Variants in RNF180 observed in about 807,000 individuals in gnomAD.
RNF180 encodes the protein ring finger protein 180.
A neutral mutation model predicts 59.2 loss-of-function variants in RNF180; 38 were observed. That is an observed-to-expected ratio of 0.64 (90% CI 0.50 to 0.84). The LOEUF (loss-of-function observed/expected upper bound fraction) is 0.84, where lower values mean the gene tolerates loss of function less well. Ranked by LOEUF, RNF180 falls within the 40% of genes least tolerant of loss-of-function variation. The pLI is 0.00. For missense variants in RNF180, 705 were observed against 700.9 expected (o/e 1.01, Z -0.07); for synonymous variants, 262 against 240.3 (o/e 1.09, Z -0.84).
At chr5:64,191,130 A>G (rs1328132006) in intron 1 of RNF180, among the ~76,000 whole-genome samples, 1 of 152,328 alleles carries the variant, frequency 6.6e-6, no homozygotes, top group East Asian at 1.9e-4. Context: ...TTAAATTTGT[A>G]GACTATTTTT....
intron 5 of RNF180, among the ~76,000 whole-genome samples, chr5:64,309,976 T>A (rs934292487): frequency 1.3e-5 from 2 of 151,340 alleles, no homozygotes; most frequent in African/African-American, 4.8e-5. Context: ...TTTCTTATAA[T>A]TTACACTTAA....
chr5:64,276,133 C>T (rs1161491305), intron 5 of RNF180, among the ~76,000 whole-genome samples: 1 of 152,050 alleles, frequency 6.6e-6, no homozygotes, highest in African/African-American at 2.4e-5. Flanking sequence ...AGGAAAAAGA[C>T]CTTCCAAATC....
intron 1 of RNF180, among the ~76,000 whole-genome samples, chr5:64,199,582 G>A (rs1751630519): frequency 6.6e-6 from 1 of 152,154 alleles, no homozygotes; most frequent in Non-Finnish European, 1.5e-5. Flanking sequence ...CAGAAAGAAA[G>A]TTTTACTCAT....
intron 5 of RNF180, among the ~76,000 whole-genome samples, chr5:64,311,487 T>G (rs1417822934): frequency 6.6e-6 from 1 of 151,946 alleles, no homozygotes; most frequent in Non-Finnish European, 1.5e-5. Context: ...AACTAGAGTG[T>G]GGGTCCAAAA....
intron 5 of RNF180, among the ~76,000 whole-genome samples, chr5:64,298,929 G>A (rs1362192187): frequency 6.6e-6 from 1 of 151,954 alleles, no homozygotes; most frequent in Admixed American, 6.6e-5. Flanking sequence ...CTTAGTGCAG[G>A]AGCCTAGTCC....
chr5:64,174,181 C>G (rs971269875), intron 1 of RNF180, among the ~76,000 whole-genome samples: 1 of 152,140 alleles, frequency 6.6e-6, no homozygotes, highest in African/African-American at 2.4e-5. Flanking sequence ...TGTATATATA[C>G]CACATTTTCT....
chr5:64,350,539 T>C (rs1393214748), intron 7 of RNF180, among the ~76,000 whole-genome samples: 2 of 152,222 alleles, frequency 1.3e-5, no homozygotes, highest in Non-Finnish European at 2.9e-5. Flanking sequence ...TTTATGGCTT[T>C]AGGTCTAACA....
chr5:64,192,931 A>ATATATAT (rs1751253556), intron 1 of RNF180, among the ~76,000 whole-genome samples: 1 of 128,286 alleles, frequency 7.8e-6, no homozygotes, highest in Non-Finnish European at 1.6e-5. Flanking sequence ...ATATATATAT[A>ATATATAT]TATATATAAA....
intron 5 of RNF180, among the ~76,000 whole-genome samples, chr5:64,301,983 C>T (rs1743184165): frequency 1.3e-5 from 2 of 151,360 alleles, no homozygotes; most frequent in Admixed American, 1.3e-4. Flanking sequence ...TGTTTTTGAC[C>T]CTCTTGGTCA....
chr5:64,238,735 C>A lies in RNF180; in HGVS notation c.1227+21339C>A, dbSNP rs1742600696. Among the ~76,000 whole-genome samples the A allele has an allele frequency of 2.0e-5, 3 of 152,150 alleles. No individual in the cohort carries two copies. The South Asian group carries it at 6.2e-4, about 32-fold the overall frequency. On this transcript the variant is annotated intron_variant, in intron 5 of 7. Coordinates refer to ENST00000389100, the MANE Select transcript of RNF180 (RefSeq NM_001113561.2). ...CTCCTTATATACTTTGGAGATTAAC[C>A]CCTTATCAGAGATATGGTTTGCAAA...
chr5:64,247,599 G>C (rs907244009), intron 5 of RNF180, among the ~76,000 whole-genome samples: 2 of 152,158 alleles, frequency 1.3e-5, no homozygotes, highest in African/African-American at 4.8e-5. Flanking sequence ...ACTGCTCATG[G>C]ACATAAGAGA....
At chr5:64,341,189 C>A (rs542699659) in intron 7 of RNF180, among the ~76,000 whole-genome samples, 13 of 152,244 alleles carry the variant, frequency 8.5e-5, no homozygotes, top group African/African-American at 2.9e-4. Flanking sequence ...AATAAATTCT[C>A]CTGGTGTGAA....
At chr5:64,369,024 G>A (rs571375540) in intron 7 of RNF180, among the ~76,000 whole-genome samples, 21 of 151,968 alleles carry the variant, frequency 1.4e-4, no homozygotes, top group South Asian at 6.2e-4. Context: ...TGTTTATTGC[G>A]GCACTATTCA....
intron 5 of RNF180, among the ~76,000 whole-genome samples, chr5:64,306,658 G>T (rs1743478122): frequency 6.6e-6 from 1 of 151,750 alleles, no homozygotes; most frequent in South Asian, 2.1e-4. Flanking sequence ...AAAGTGATGA[G>T]TTCATGTCCT....
chr5:64,192,739 C>G (rs1016453551), intron 1 of RNF180, among the ~76,000 whole-genome samples: 3 of 151,522 alleles, frequency 2.0e-5, no homozygotes. Flanking sequence ...ACCACATGAT[C>G]CAGCAATCCT....
intron 1 of RNF180, among the ~76,000 whole-genome samples, chr5:64,186,185 G>A (rs1043002954): frequency 6.6e-6 from 1 of 152,052 alleles, no homozygotes; most frequent in South Asian, 2.1e-4. Flanking sequence ...AAAGGATTTT[G>A]AAGCCAAGTC....
In RNF180 at chr5:64,246,487, A is replaced by G. The variant is rs192684651; in HGVS notation, c.1227+29091A>G. 4.4e-4 allele frequency among the ~76,000 whole-genome samples: 67 copies of G among 152,344 alleles called. 1 individual carries two copies. The East Asian group carries it at 0.013, about 28-fold the overall frequency. On this transcript the variant is annotated intron_variant, in intron 5 of 7. Transcript: ENST00000389100. ...ATCAGAGAATACTATAAACACCTCT[A>G]TGCAAATAAACTAGAAAATCTAGAA...
At chr5:64,319,298 AT>A (rs2112503904) in intron 5 of RNF180, among the ~76,000 whole-genome samples, 1 of 152,304 alleles carries the variant, frequency 6.6e-6, no homozygotes, top group African/African-American at 2.4e-5. Flanking sequence ...AATAAAGATT[AT>A]TCTTTATTTC....
chr5:64,258,572 G>A (rs1026230600), intron 5 of RNF180, among the ~76,000 whole-genome samples: 3 of 152,080 alleles, frequency 2.0e-5, no homozygotes, highest in Middle Eastern at 3.2e-3. Context: ...TATTCCCTTG[G>A]ATTGTAAAGG....
Sources: gnomAD v4.1 joint callset for allele counts (sites outside exome capture counted in the v4.1 genomes callset) on GRCh38, gnomAD v4.1.1 for gene constraint, MANE v1.5 for transcripts, NCBI Gene and HGNC (gene_info 2026-07-23, HGNC 2026-07-21) for gene names.